The following CCDC7 variants were observed in gnomAD, a reference collection of about 807,000 sequenced individuals.
CCDC7 encodes the protein coiled-coil domain containing 7.
In CCDC7, 183 loss-of-function variants were observed where a neutral mutation model predicts 196.9. The ratio of observed to expected loss-of-function variants is 0.93; its 90% CI spans 0.82 to 1.05. CCDC7 has a LOEUF of 1.05. Ranked by LOEUF, CCDC7 falls within the 50% of genes least tolerant of loss-of-function variation. CCDC7 has a pLI of 0.00. For synonymous variants in CCDC7, 525 were observed against 484.6 expected (o/e 1.08, Z -1.10); for missense variants, 1,540 against 1,482.2 (o/e 1.04, Z -0.64).
At chr10:32,719,047 AAAAG>A (rs2082022937) in intron 25 of CCDC7, among the ~76,000 whole-genome samples, 1 of 152,226 alleles carries the variant, frequency 6.6e-6, no homozygotes, top group Non-Finnish European at 1.5e-5. Context: ...TGGAACCAAA[AAAAG>A]AGCCCGTATA....
chr10:32,598,500 C>T (rs538912033), intron 18 of CCDC7, among the ~76,000 whole-genome samples: 1 of 152,314 alleles, frequency 6.6e-6, no homozygotes, highest in South Asian at 2.1e-4. Context: ...ACCCACGTGT[C>T]TGGGAAGCCC....
intron 24 of CCDC7, among the ~76,000 whole-genome samples, chr10:32,696,774 T>C (rs1274507486): frequency 1.3e-5 from 2 of 152,190 alleles, no homozygotes; most frequent in African/African-American, 4.8e-5. Flanking sequence ...GTGTGCCCAA[T>C]GACTATTTTT....
At chr10:32,532,323 ATGTGTT>A (rs1395613572) in intron 11 of CCDC7, among the ~76,000 whole-genome samples, 37 of 151,982 alleles carry the variant, frequency 2.4e-4, no homozygotes, top group Admixed American at 2.4e-3. Context: ...GGTAACATCT[ATGTGTT>A]TGTGTATTTT....
intron 31 of CCDC7, among the ~76,000 whole-genome samples, chr10:32,817,027 C>T (rs2088805083): frequency 6.6e-6 from 1 of 152,120 alleles, no homozygotes; most frequent in African/African-American, 2.4e-5. Flanking sequence ...TTCAGATGAT[C>T]AGACTACTCT....
intron 41 of CCDC7, among the ~76,000 whole-genome samples, chr10:32,863,868 A>C (rs533234956): frequency 6.8e-6 from 1 of 147,306 alleles, no homozygotes; most frequent in East Asian, 2.0e-4. Context: ...ATTATACCAA[A>C]AGCTCAGGCT....
In CCDC7 at chr10:32,470,524, C is replaced by T. The variant is rs188287072; in HGVS notation, c.511-540C>T. On this transcript the variant is annotated intron_variant, in intron 5 of 41. Coordinates refer to ENST00000639629, the Ensembl canonical transcript of CCDC7. ...CTGTGAATCTTGCTGTTTCTTTCCA[C>T]GGCTTGTTATTTTTTAGCTTGATCT... Among the ~76,000 whole-genome samples, 68 of 152,166 alleles carry T rather than the reference C, an allele frequency of 4.5e-4. 1 individual carries two copies. The highest frequency in any genetic ancestry group is 1.5e-3 in the Admixed American group (23 of 15,280).
rs562653714 is a variant in CCDC7, at chr10:32,774,246, C to T, written c.2906-4731C>T. Among the ~76,000 whole-genome samples the T allele has an allele frequency of 3.9e-5, 6 of 152,158 alleles. No individual in the cohort carries two copies. The South Asian group carries it at 1.0e-3, about 26-fold the overall frequency. On this transcript the variant is annotated intron_variant, in intron 28 of 41. Coordinates refer to ENST00000639629, the Ensembl canonical transcript of CCDC7. ...TCTTCACTGATTGGAGCACAGAACA[C>T]CTACAAAAATTCACATGCCAGTCGA...
At chr10:32,567,395 A>G (rs553341742) in intron 14 of CCDC7, among the ~76,000 whole-genome samples, 1 of 152,010 alleles carries the variant, frequency 6.6e-6, no homozygotes. Context: ...TTTTGCTTGT[A>G]TAATAATTAG....
At chr10:32,695,995 C>CTT (rs61401274) in intron 24 of CCDC7, among the ~76,000 whole-genome samples, 17 of 148,828 alleles carry the variant, frequency 1.1e-4, no homozygotes, top group African/African-American at 3.9e-4. Flanking sequence ...GCAATGAAGA[C>CTT]TTTTTTTTTT....
intron 28 of CCDC7, among the ~76,000 whole-genome samples, chr10:32,758,832 G>T (rs1352972987): frequency 6.6e-6 from 1 of 152,176 alleles, no homozygotes; most frequent in Non-Finnish European, 1.5e-5. Context: ...TGACATGATT[G>T]TATATTTAGA....
downstream of CCDC7, among the ~76,000 whole-genome samples, chr10:32,881,308 A>C (rs371458645): frequency 3.3e-5 from 5 of 152,276 alleles, no homozygotes; most frequent in East Asian, 9.7e-4. Context: ...GTTCTTATCT[A>C]TGTCAATGAG....
intron 36 of CCDC7, 60 bp downstream of exon 37, chr10:32,846,019 T>C (rs564924169): frequency 8.1e-5 from 102 of 1,254,886 alleles, no homozygotes; most frequent in South Asian, 4.1e-4. Context: ...CTGAGTTAAA[T>C]TGAAGTATAG....
intron 28 of CCDC7, among the ~76,000 whole-genome samples, chr10:32,777,286 G>A (rs2080222036): frequency 6.6e-6 from 1 of 152,138 alleles, no homozygotes; most frequent in Non-Finnish European, 1.5e-5. Flanking sequence ...CACCATTGAT[G>A]AGCACCTACG....
chr10:32,586,313 A>G (rs1165208563), intron 18 of CCDC7, among the ~76,000 whole-genome samples: 1 of 152,134 alleles, frequency 6.6e-6, no homozygotes, highest in African/African-American at 2.4e-5. Flanking sequence ...TTGTTCTCCC[A>G]TTCTGTAGGC....
chr10:32,781,135 C>T (rs1463347822), intron 29 of CCDC7, among the ~76,000 whole-genome samples: 1 of 151,962 alleles, frequency 6.6e-6, no homozygotes, highest in Non-Finnish European at 1.5e-5. Context: ...CTAAATAGAC[C>T]CCTAATTAAG....
At chr10:32,651,359 C>T (rs1046077553) in intron 20 of CCDC7, among the ~76,000 whole-genome samples, 15 of 151,656 alleles carry the variant, frequency 9.9e-5, no homozygotes, top group Admixed American at 6.6e-4. Context: ...TTTTTCCATC[C>T]ACATTTGGTG....
chr10:32,579,853 T>C (rs1038823346), intron 16 of CCDC7, among the ~76,000 whole-genome samples: 1 of 152,136 alleles, frequency 6.6e-6, no homozygotes, highest in African/African-American at 2.4e-5. Flanking sequence ...GTTTGTCTGG[T>C]ATAAGGCTTC....
intron 29 of CCDC7, among the ~76,000 whole-genome samples, 157 bp from the exon 31 acceptor site, chr10:32,804,858 G>A (rs968849233): frequency 1.3e-5 from 2 of 151,900 alleles, no homozygotes; most frequent in Non-Finnish European, 2.9e-5. Context: ...CACTCCTAAT[G>A]TTTAGTGATT....
At chr10:32,646,293 T>A (rs185544341) in intron 20 of CCDC7, among the ~76,000 whole-genome samples, 1 of 152,212 alleles carries the variant, frequency 6.6e-6, no homozygotes, top group East Asian at 1.9e-4. Context: ...GCATTGTTTT[T>A]TTCATGAACA....
Sources: gnomAD v4.1 joint callset for allele counts (sites outside exome capture counted in the v4.1 genomes callset) on GRCh38, gnomAD v4.1.1 for gene constraint, MANE v1.5 for transcripts, NCBI Gene and HGNC (gene_info 2026-07-23, HGNC 2026-07-21) for gene names.